The following RIMS1 variants were observed in gnomAD, a reference collection of about 807,000 sequenced individuals.
RIMS1 encodes regulating synaptic membrane exocytosis protein 1.
A neutral mutation model predicts 214.1 loss-of-function variants in RIMS1; 83 were observed. The ratio of observed to expected loss-of-function variants is 0.39; its 90% CI spans 0.32 to 0.47. The LOEUF (loss-of-function observed/expected upper bound fraction) is 0.47, where lower values mean the gene tolerates loss of function less well. Ranked by LOEUF, RIMS1 falls within the 20% of genes least tolerant of loss-of-function variation. The pLI is 0.99. For missense variants in RIMS1, 2,050 were observed against 2,161.8 expected, an observed-to-expected ratio of 0.95 and a Z score of 1.03; for synonymous variants, 793 against 786.8, an observed-to-expected ratio of 1.01 and a Z score of -0.13.
At chr6:72,384,820 T>C (rs13214450) in intron 29 of RIMS1, among the ~76,000 whole-genome samples, 1 of 152,346 alleles carries the variant, frequency 6.6e-6, no homozygotes, top group East Asian at 1.9e-4. Flanking sequence ...CTTATTACTG[T>C]TGTATCTGAA....
chr6:71,956,349 CATAAT>C (rs142077189), intron 1 of RIMS1, among the ~76,000 whole-genome samples: 1,956 of 152,150 alleles, frequency 0.013, 11 homozygotes, highest in South Asian at 0.028. Flanking sequence ...AAAGCCTTAA[CATAAT>C]ATAAGTTGAA....
At chr6:71,923,762 T>G (rs971497741) in intron 1 of RIMS1, among the ~76,000 whole-genome samples, 60 of 151,940 alleles carry the variant, frequency 3.9e-4, no homozygotes, top group African/African-American at 1.4e-3. Flanking sequence ...CGGGGTGTCT[T>G]CATGTTGATC....
intron 1 of RIMS1, among the ~76,000 whole-genome samples, chr6:71,964,661 G>A: frequency 6.6e-6 from 1 of 152,072 alleles, no homozygotes; most frequent in East Asian, 1.9e-4. Context: ...GGTGGAGATG[G>A]TTGCTGGAGA....
chr6:71,953,507 G>A (rs185697385), intron 1 of RIMS1, among the ~76,000 whole-genome samples: 56 of 152,126 alleles, frequency 3.7e-4, no homozygotes, highest in African/African-American at 1.3e-3. Context: ...TTTAAGCAGG[G>A]GGGAAAAAGC....
At chr6:72,225,963 A>C (rs17783041) in intron 6 of RIMS1, among the ~76,000 whole-genome samples, 30,989 of 152,060 alleles carry the variant, frequency 0.2, 3,993 homozygotes, top group Non-Finnish European at 0.28. Flanking sequence ...TTCTTCTCCA[A>C]ACTGTTTTGT....
At chr6:72,045,880 T>A (rs977308628) in intron 2 of RIMS1, among the ~76,000 whole-genome samples, 1 of 129,490 alleles carries the variant, frequency 7.7e-6, no homozygotes, top group Non-Finnish European at 1.8e-5. Context: ...GGTGTTAAGT[T>A]TTTTTTTTTA....
chr6:72,320,023 TGA>T (rs1253732351), intron 28 of RIMS1, among the ~76,000 whole-genome samples: 2 of 152,188 alleles, frequency 1.3e-5, no homozygotes, highest in African/African-American at 4.8e-5. Context: ...GAATGTCTTC[TGA>T]GAGACGGCTA....
intron 29 of RIMS1, among the ~76,000 whole-genome samples, chr6:72,363,417 A>C (rs1404909813): frequency 6.6e-6 from 1 of 152,168 alleles, no homozygotes; most frequent in African/African-American, 2.4e-5. Flanking sequence ...GTTTTGAGCA[A>C]AGATAGTGCA....
chr6:72,017,797 G>A (rs1021753549), intron 2 of RIMS1, among the ~76,000 whole-genome samples: 1 of 152,200 alleles, frequency 6.6e-6, no homozygotes, highest in African/African-American at 2.4e-5. Context: ...ACCCAAGAAA[G>A]GGCTTAACTA....
intron 4 of RIMS1, among the ~76,000 whole-genome samples, chr6:72,121,137 C>G (rs539858774): frequency 6.6e-6 from 1 of 151,974 alleles, no homozygotes; most frequent in Admixed American, 6.6e-5. Context: ...GCAACATGGT[C>G]TCTTTTTCAG....
chr6:72,072,016 A>G (rs1830683285), intron 2 of RIMS1, among the ~76,000 whole-genome samples: 1 of 152,220 alleles, frequency 6.6e-6, no homozygotes, highest in African/African-American at 2.4e-5. Context: ...GTTAAGCTCA[A>G]TATAAAAAAT....
intron 19 of RIMS1, chr6:72,262,778 C>A: frequency 1.3e-6 from 1 of 749,234 alleles, no homozygotes; most frequent in Non-Finnish European, 1.6e-6. Context: ...TATAACTATC[C>A]ATGGCTAAAA....
intron 1 of RIMS1, among the ~76,000 whole-genome samples, chr6:71,947,242 A>G (rs931799105): frequency 1.3e-5 from 2 of 152,270 alleles, no homozygotes; most frequent in Non-Finnish European, 2.9e-5. Flanking sequence ...TGGTGAATAT[A>G]TATCTGTACT....
At chr6:72,234,412 G>A (rs147898507) in intron 7 of RIMS1, among the ~76,000 whole-genome samples, 143 of 151,950 alleles carry the variant, frequency 9.4e-4, no homozygotes, top group African/African-American at 3.2e-3. Context: ...CCTTTTTCGA[G>A]CAGTTTTAAG....
intron 6 of RIMS1, among the ~76,000 whole-genome samples, chr6:72,201,284 A>G (rs1226219313): frequency 6.6e-6 from 1 of 152,204 alleles, no homozygotes; most frequent in African/African-American, 2.4e-5. Flanking sequence ...TTTAATATAG[A>G]ACTTTTAAAA....
intron 4 of RIMS1, among the ~76,000 whole-genome samples, chr6:72,124,810 C>G (rs771110800): frequency 6.6e-6 from 1 of 152,218 alleles, no homozygotes; most frequent in Non-Finnish European, 1.5e-5. Context: ...GTTCTCATGC[C>G]ATGGTTTTCA....
chr6:71,997,708 C>A (rs1251273790), intron 2 of RIMS1, among the ~76,000 whole-genome samples: 2 of 152,080 alleles, frequency 1.3e-5, no homozygotes, highest in African/African-American at 4.8e-5. Flanking sequence ...GCAACAGGAA[C>A]CATTACAAAT....
chr6:71,992,408 T>C (rs142248309), intron 2 of RIMS1, among the ~76,000 whole-genome samples: 2,360 of 45,040 alleles, frequency 0.052, 29 homozygotes, highest in Middle Eastern at 0.12. Flanking sequence ...CTCTCTCTCT[T>C]TCTTTCTTTC....
intron 2 of RIMS1, among the ~76,000 whole-genome samples, chr6:72,004,940 T>C (rs1278066262): frequency 1.3e-5 from 2 of 152,118 alleles, no homozygotes; most frequent in African/African-American, 4.8e-5. Flanking sequence ...CATGAAGTCC[T>C]TGCCCATGCC....
Sources: allele counts gnomAD v4.1 joint callset (sites outside exome capture counted in the v4.1 genomes callset), GRCh38; gene constraint gnomAD v4.1.1; transcripts MANE v1.5; gene names NCBI Gene and HGNC (gene_info 2026-07-23, HGNC 2026-07-21).